SPOCK3: variants seen among roughly 807,000 people sequenced by gnomAD.
SPOCK3 encodes the protein testican-3.
SPOCK3 carries 30 observed loss-of-function variants against 56.6 expected under a neutral mutation model. That is an observed-to-expected ratio of 0.53 (90% CI 0.40 to 0.72). The LOEUF is 0.72. Ranked by LOEUF, SPOCK3 falls within the 30% of genes least tolerant of loss-of-function variation. The probability of loss-of-function intolerance (pLI) is 0.00; values close to 1 mark genes in which losing one functional copy is unlikely to be tolerated. For missense variants in SPOCK3, 527 were observed against 530.0 expected (o/e 0.99, Z 0.06); for synonymous variants, 196 against 183.3 (o/e 1.07, Z -0.56).
chr4:167,017,370 C>T (rs1344486116), intron 3 of SPOCK3, among the ~76,000 whole-genome samples: 3 of 152,072 alleles, frequency 2.0e-5, no homozygotes, highest in African/African-American at 7.2e-5. Context: ...CTTTTAAGGC[C>T]ACCTCAGTTC....
intron 2 of SPOCK3, among the ~76,000 whole-genome samples, chr4:167,099,477 C>T (rs552797358): frequency 1.3e-5 from 2 of 151,652 alleles, no homozygotes; most frequent in Non-Finnish European, 1.5e-5. Flanking sequence ...ATCAGAGGTA[C>T]GTGAAATTTA....
chr4:167,053,123 G>A (rs1427634), intron 3 of SPOCK3, among the ~76,000 whole-genome samples: 103,859 of 151,980 alleles, frequency 0.68, 35,652 homozygotes, highest in East Asian at 0.85. Context: ...AATGATGGGA[G>A]TCAGATAAAG....
chr4:166,955,044 A>T (rs1743231950), intron 4 of SPOCK3, among the ~76,000 whole-genome samples: 1 of 152,106 alleles, frequency 6.6e-6, no homozygotes, highest in South Asian at 2.1e-4. Flanking sequence ...TCTAATGTTA[A>T]CTCTTGGTTC....
intron 6 of SPOCK3, among the ~76,000 whole-genome samples, chr4:166,879,534 G>A (rs1271349415): frequency 6.6e-6 from 1 of 152,114 alleles, no homozygotes; most frequent in African/African-American, 2.4e-5. Flanking sequence ...TAAAAAATAT[G>A]TACATATTTT....
At chr4:166,889,274 C>A in intron 5 of SPOCK3, 30 bp from the exon 6 acceptor site, 1 of 1,376,560 alleles carries the variant, frequency 7.3e-7, no homozygotes, top group South Asian at 1.2e-5. Flanking sequence ...AAAAGTAATT[C>A]AAATGCTTTA....
chr4:166,876,054 A>G (rs1733048459), intron 6 of SPOCK3, among the ~76,000 whole-genome samples: 1 of 152,114 alleles, frequency 6.6e-6, no homozygotes, highest in Admixed American at 6.5e-5. Flanking sequence ...GAAAAGCACA[A>G]CCTATATGGG....
chr4:166,788,039 T>C (rs55702925), intron 7 of SPOCK3, among the ~76,000 whole-genome samples: 34,888 of 151,940 alleles, frequency 0.23, 4,523 homozygotes, highest in East Asian at 0.34. Context: ...AAAGGTTAGC[T>C]GGTGTGGTGG....
At chr4:167,114,137 C>T (rs919598811) in intron 2 of SPOCK3, among the ~76,000 whole-genome samples, 9 of 152,034 alleles carry the variant, frequency 5.9e-5, no homozygotes, top group Admixed American at 3.3e-4. Context: ...CCAAACTCTC[C>T]TCTAAAATAA....
intron 2 of SPOCK3, among the ~76,000 whole-genome samples, chr4:167,187,534 C>T (rs978553635): frequency 5.9e-5 from 9 of 151,996 alleles, no homozygotes; most frequent in African/African-American, 2.2e-4. Flanking sequence ...TGAACTACTG[C>T]TGGGCATTAG....
intron 2 of SPOCK3, among the ~76,000 whole-genome samples, chr4:167,132,411 A>AT (rs1411074611): frequency 4.6e-5 from 7 of 152,288 alleles, no homozygotes; most frequent in African/African-American, 1.7e-4. Flanking sequence ...AGTTCTGTGT[A>AT]TTTTTTTAAA....
intron 3 of SPOCK3, among the ~76,000 whole-genome samples, chr4:167,052,828 T>C (rs542804453): frequency 1.7e-4 from 26 of 152,322 alleles, no homozygotes; most frequent in Middle Eastern, 3.4e-3. Flanking sequence ...ACAGCCAATA[T>C]TGATATTGTC....
chr4:167,009,292 G>A (rs994138405), intron 3 of SPOCK3, among the ~76,000 whole-genome samples: 1 of 152,004 alleles, frequency 6.6e-6, no homozygotes, highest in South Asian at 2.1e-4. Flanking sequence ...ACTAGATTTG[G>A]GAACTCTTTA....
rs1202455925 is a variant in SPOCK3, at chr4:166,848,357, G to T, written c.589+40773C>A. ...AAACATTTGCCTGCCGTTTACCTCT[G>T]TCAGGGTTTCCAGCATCCTTGGGGC... On this transcript the variant is annotated intron_variant, in intron 6 of 10. Transcript: ENST00000357545. Among the ~76,000 whole-genome samples, 6 of 152,308 alleles carry T rather than the reference G, an allele frequency of 3.9e-5. No individual in the cohort carries two copies. In the East Asian group the frequency reaches 9.7e-4, roughly 25 times the overall value.
intron 6 of SPOCK3, among the ~76,000 whole-genome samples, chr4:166,885,713 G>A (rs1734121105): frequency 6.6e-6 from 1 of 152,100 alleles, no homozygotes; most frequent in African/African-American, 2.4e-5. Context: ...GTGTTTAAAT[G>A]CATGTTGGGG....
intron 4 of SPOCK3, among the ~76,000 whole-genome samples, chr4:166,986,728 A>G (rs1341776891): frequency 1.3e-5 from 2 of 152,184 alleles, no homozygotes; most frequent in Admixed American, 6.5e-5. Context: ...ATGATATATC[A>G]GTGACACAGC....
rs577636444 is a variant in SPOCK3 at position 166,755,300 on chromosome 4, C to T, written c.710-571G>A. On this transcript the variant is annotated intron_variant, in intron 7 of 10. Coordinates refer to ENST00000357545, the MANE Select transcript of SPOCK3 (RefSeq NM_001040159.2). ...ACACAGCCACTTGGTCTCCTGCTTA[C>T]CTCAAGGAAATTTTACAAATGCAAA... Among the ~76,000 whole-genome samples the T allele has an allele frequency of 3.3e-5, 5 of 152,122 alleles. No homozygotes were observed. The South Asian group carries it at 6.2e-4, about 19-fold the overall frequency.
At chr4:167,124,632 T>C (rs1164169009) in intron 2 of SPOCK3, among the ~76,000 whole-genome samples, 1 of 149,944 alleles carries the variant, frequency 6.7e-6, no homozygotes, top group African/African-American at 2.4e-5. Flanking sequence ...CAGCTTTCTA[T>C]TAAGTTTGCC....
At chr4:166,802,758 G>T (rs1372341724) in intron 6 of SPOCK3, among the ~76,000 whole-genome samples, 1 of 151,970 alleles carries the variant, frequency 6.6e-6, no homozygotes, top group Admixed American at 6.6e-5. Context: ...ATCTAAAGCA[G>T]GATATATATG....
intron 2 of SPOCK3, among the ~76,000 whole-genome samples, chr4:167,170,668 G>A (rs1187731663): frequency 6.6e-6 from 1 of 152,140 alleles, no homozygotes; most frequent in East Asian, 1.9e-4. Flanking sequence ...TCAGCTTTGA[G>A]CCCAAGATTT....
Sources: gnomAD v4.1 joint callset for allele counts (sites outside exome capture counted in the v4.1 genomes callset) on GRCh38, gnomAD v4.1.1 for gene constraint, MANE v1.5 for transcripts, NCBI Gene and HGNC (gene_info 2026-07-23, HGNC 2026-07-21) for gene names.